CSMD3: variants seen among roughly 807,000 people sequenced by gnomAD.
CSMD3 encodes the protein CUB and Sushi multiple domains 3.
Under a neutral mutation model 435.2 loss-of-function variants are expected in CSMD3, and 177 were observed. That is an observed-to-expected ratio of 0.41 (90% confidence interval 0.36 to 0.46). The LOEUF is 0.46. Ranked by LOEUF, CSMD3 falls within the 20% of genes least tolerant of loss-of-function variation. The pLI, the probability that CSMD3 is intolerant of heterozygous loss-of-function variation, is 0.34. For synonymous variants in CSMD3, 1,656 were observed against 1,520.5 expected (o/e 1.09, Z -2.07); for missense variants, 4,265 against 4,504.6 (o/e 0.95, Z 1.52).
At position 112,304,859 on chromosome 8, in the gene CSMD3, C is replaced by T; in HGVS notation, c.8128G>A (p.Val2710Met). Reference protein sequence around the residue: ...FILEHGRWRIVNGSHYEYKTK... With the variant: ...FILEHGRWRIMNGSHYEYKTK... ...TTGTATTCATAATGGGAGCCATTCA[C>T]AATTCGCCATCTTCCATGTTCCAAG... Residue 2710 changes from valine (V) to methionine (M), a missense_variant, in exon 52 of 71, where the codon GTG becomes ATG. This residue lies in a region of CSMD3 where 3,255 missense variants were observed against 3,380.2 expected (regional missense o/e 0.96). Transcript: ENST00000297405. 1 of 1,613,892 alleles carries T rather than the reference C, an allele frequency of 6.2e-7. No individual in the cohort carries two copies. Among genetic ancestry groups the T allele is most frequent in the Non-Finnish European group, 8.5e-7 (1 of 1,179,890 alleles).
chr8:112,503,353 G>A (rs1160732767), intron 30 of CSMD3, among the ~76,000 whole-genome samples: 1 of 152,216 alleles, frequency 6.6e-6, no homozygotes, highest in Non-Finnish European at 1.5e-5. Flanking sequence ...AAAGTGCTAG[G>A]ATTACAGGCA....
Position 112,666,357 on chromosome 8 carries a change from T to C in CSMD3, c.2736A>G (p.Pro912=), listed in dbSNP as rs1266397700. ...AATTCAAAGAGTCTTTGTAGTATCC[T>C]GGCCATCCTGGTGAGAGAATCACTC... ...PSGVILSPGW[P]GYYKDSLNCE... is the part of the protein sequence containing the mutation. Residue 912 remains proline, a synonymous_variant, in exon 17 of 71, where the codon CCA becomes CCG. Coordinates refer to ENST00000297405, the MANE Select transcript of CSMD3 (RefSeq NM_198123.2). The C allele has an allele frequency of 1.2e-6, 2 of 1,612,670 alleles. No individual in the cohort carries two copies. Among genetic ancestry groups the C allele is most frequent in the East Asian group, 2.2e-5 (1 of 44,806 alleles).
intron 5 of CSMD3, among the ~76,000 whole-genome samples, chr8:113,082,726 T>A (rs992493739): frequency 2.6e-5 from 4 of 152,046 alleles, no homozygotes; most frequent in Non-Finnish European, 4.4e-5. Context: ...CAATTCTTAA[T>A]CTGAATGAGA....
chr8:112,459,105 T>C (rs1817167380), intron 32 of CSMD3, among the ~76,000 whole-genome samples: 1 of 152,054 alleles, frequency 6.6e-6, no homozygotes. Flanking sequence ...ACAAATAATA[T>C]TAACTAAAAT....
chr8:112,772,953 G>A lies in CSMD3; in HGVS notation c.1972+27209C>T, dbSNP rs191155207. On this transcript the variant is annotated intron_variant, in intron 13 of 70. Transcript: ENST00000297405. ...TGCCACATCCCCCTCTCCTGGAAAC[G>A]CCCGATAATGATCAATAAATACTAA... is the stretch of plus-strand genomic sequence containing the variant. Among the ~76,000 whole-genome samples the A allele has an allele frequency of 6.6e-5, 10 of 151,990 alleles. No individual in the cohort carries two copies. In the East Asian group the frequency reaches 7.8e-4, roughly 12 times the overall value.
chr8:112,596,336 C>G (rs1278390433), intron 22 of CSMD3, among the ~76,000 whole-genome samples: 3 of 152,078 alleles, frequency 2.0e-5, no homozygotes, highest in Non-Finnish European at 4.4e-5. Context: ...TATATATGCA[C>G]CCAATACAGG....
At chr8:113,233,124 A>G (rs1301383610) in intron 3 of CSMD3, among the ~76,000 whole-genome samples, 1 of 151,836 alleles carries the variant, frequency 6.6e-6, no homozygotes, top group African/African-American at 2.4e-5. Context: ...ATACCTGAAA[A>G]TCAATAATAA....
chr8:112,304,997 T>G, intron 51 of CSMD3, 82 bp from the exon 52 acceptor site: 5 of 977,122 alleles, frequency 5.1e-6, no homozygotes, highest in Non-Finnish European at 8.0e-6. Flanking sequence ...TCCACTGACC[T>G]AATTCACTTA....
chr8:113,132,254 G>A (rs2091302157), intron 4 of CSMD3, among the ~76,000 whole-genome samples: 1 of 152,078 alleles, frequency 6.6e-6, no homozygotes, highest in South Asian at 2.1e-4. Context: ...TGGTCAGGGG[G>A]TACTGTTGAG....
intron 2 of CSMD3, among the ~76,000 whole-genome samples, chr8:113,289,991 A>C (rs2093674637): frequency 6.6e-6 from 1 of 151,764 alleles, no homozygotes; most frequent in African/African-American, 2.4e-5. Context: ...TTATGCATTT[A>C]AAATGTATAT....
intron 54 of CSMD3, among the ~76,000 whole-genome samples, chr8:112,294,139 A>G (rs951069583): frequency 1.2e-4 from 18 of 152,036 alleles, no homozygotes; most frequent in African/African-American, 4.1e-4. Flanking sequence ...TAGATATTCT[A>G]TTATCCTATT....
At chr8:113,309,729 T>C (rs989084386) in intron 2 of CSMD3, 1 of 152,212 alleles carries the variant, frequency 6.6e-6, no homozygotes, top group Admixed American at 6.5e-5. Flanking sequence ...TAATATTTAT[T>C]TATTTACCTA....
intron 69 of CSMD3, 109 bp downstream of exon 69, chr8:112,231,436 C>T (rs1291169447): frequency 3.8e-6 from 3 of 781,586 alleles, no homozygotes; most frequent in East Asian, 2.4e-5. Flanking sequence ...TCTGGCAGTA[C>T]AGAATTTATA....
intron 40 of CSMD3, among the ~76,000 whole-genome samples, chr8:112,348,002 G>C (rs183115759): frequency 7.2e-5 from 11 of 152,124 alleles, no homozygotes; most frequent in African/African-American, 2.4e-4. Flanking sequence ...CCTCTGCATT[G>C]ATGGCCCCAC....
At chr8:112,635,422 G>A (rs1219815514) in intron 22 of CSMD3, among the ~76,000 whole-genome samples, 1 of 151,830 alleles carries the variant, frequency 6.6e-6, no homozygotes, top group East Asian at 1.9e-4. Flanking sequence ...TTCGAAAACA[G>A]TCACAAAAAT....
At chr8:113,410,187 A>C (rs72673224) in intron 1 of CSMD3, among the ~76,000 whole-genome samples, 2,837 of 152,118 alleles carry the variant, frequency 0.019, 41 homozygotes, top group Non-Finnish European at 0.026. Context: ...TTTTGTAATT[A>C]ATATTATGTA....
intron 6 of CSMD3, among the ~76,000 whole-genome samples, chr8:113,002,086 G>A (rs148403941): frequency 1.3e-5 from 2 of 152,136 alleles, no homozygotes; most frequent in African/African-American, 4.8e-5. Context: ...AGTTGTAACA[G>A]CTGTTTGAAT....
intron 1 of CSMD3, among the ~76,000 whole-genome samples, chr8:113,353,429 C>G (rs2094202495): frequency 1.3e-5 from 2 of 152,080 alleles, no homozygotes; most frequent in Non-Finnish European, 2.9e-5. Flanking sequence ...CTGTTTATAT[C>G]CCTTTGACTA....
At chr8:112,791,066 T>C (rs192454540) in intron 13 of CSMD3, among the ~76,000 whole-genome samples, 11 of 152,222 alleles carry the variant, frequency 7.2e-5, no homozygotes, top group African/African-American at 2.4e-4. Flanking sequence ...CTCACGCCTG[T>C]AACCTCAGGT....
Sources: allele counts gnomAD v4.1 joint callset (sites outside exome capture counted in the v4.1 genomes callset), GRCh38; gene constraint gnomAD v4.1.1; regional missense constraint gnomAD v4.1.1; transcripts MANE v1.5; gene names NCBI Gene and HGNC (gene_info 2026-07-23, HGNC 2026-07-21).